CD300E: variants seen among roughly 807,000 people sequenced by gnomAD.
CD300E encodes CMRF35-like molecule 2.
Under a neutral mutation model 20.9 loss-of-function variants are expected in CD300E, and 14 were observed. The ratio of observed to expected loss-of-function variants is 0.67; its 90% CI spans 0.44 to 1.05. The LOEUF (loss-of-function observed/expected upper bound fraction) is 1.05. CD300E is among the 50% of genes least tolerant of loss of function. The pLI is 0.00. For synonymous variants in CD300E, 102 were observed against 103.7 expected, an observed-to-expected ratio of 0.98 and a Z score of 0.10; for missense variants, 237 against 253.9, an observed-to-expected ratio of 0.93 and a Z score of 0.45.
At chr17:74,619,621 C>G (rs960515562) in intron 1 of CD300E, among the ~76,000 whole-genome samples, 1 of 152,212 alleles carries the variant, frequency 6.6e-6, no homozygotes, top group African/African-American at 2.4e-5. Context: ...CACACACACA[C>G]ACATACACAC....
chr17:74,614,777 C>G (rs1002768624), intron 2 of CD300E, among the ~76,000 whole-genome samples: 1 of 152,164 alleles, frequency 6.6e-6, no homozygotes, highest in Non-Finnish European at 1.5e-5. Flanking sequence ...CCACCGCGCC[C>G]GGCCCATGTG....
chr17:74,622,154 C>T (rs1825579949), intron 1 of CD300E, among the ~76,000 whole-genome samples: 1 of 151,732 alleles, frequency 6.6e-6, no homozygotes, highest in Non-Finnish European at 1.5e-5. Context: ...TTTGTCATTT[C>T]CCCTCCCTGC....
chr17:74,616,691 C>T (rs1236131760), intron 2 of CD300E, among the ~76,000 whole-genome samples: 1 of 152,126 alleles, frequency 6.6e-6, no homozygotes, highest in Non-Finnish European at 1.5e-5. Context: ...GAAAGAGTAG[C>T]TTCCACTCAA....
chr17:74,613,532 A>G (rs2030830031), intron 3 of CD300E, among the ~76,000 whole-genome samples: 1 of 152,088 alleles, frequency 6.6e-6, no homozygotes, highest in East Asian at 1.9e-4. Context: ...GAGCTGGCCC[A>G]TCTCCCCACA....
At chr17:74,622,266 A>C (rs1176649058) in intron 1 of CD300E, among the ~76,000 whole-genome samples, 1 of 151,958 alleles carries the variant, frequency 6.6e-6, no homozygotes, top group Admixed American at 6.6e-5. Flanking sequence ...TAGGGGTGGA[A>C]AGAGAGATGG....
intron 1 of CD300E, chr17:74,619,355 T>G: frequency 4.1e-6 from 1 of 241,128 alleles, no homozygotes; most frequent in Admixed American, 5.1e-5. Context: ...GAGCTGAATG[T>G]GTCCTAGAAT....
chr17:74,621,737 AAGAGCTCTGTGGAG>A (rs1353581737), intron 1 of CD300E, among the ~76,000 whole-genome samples: 5 of 152,170 alleles, frequency 3.3e-5, no homozygotes, highest in African/African-American at 1.2e-4. Flanking sequence ...GGCCAATGGA[AAGAGCTCTGTGGAG>A]GACACAGATC....
intron 1 of CD300E, among the ~76,000 whole-genome samples, chr17:74,620,616 C>T (rs1568036050): frequency 6.6e-6 from 1 of 151,714 alleles, no homozygotes; most frequent in Non-Finnish European, 1.5e-5. Context: ...GCACTCCAGC[C>T]TGGCAACAAA....
At chr17:74,618,814 A>G (rs575890069) in intron 1 of CD300E, among the ~76,000 whole-genome samples, 1 of 147,102 alleles carries the variant, frequency 6.8e-6, no homozygotes, top group African/African-American at 2.5e-5. Flanking sequence ...TGTCACCCCC[A>G]CCCTGACCCC....
chr17:74,615,047 C>T (rs1041729814), intron 2 of CD300E, among the ~76,000 whole-genome samples: 2 of 152,216 alleles, frequency 1.3e-5, no homozygotes, highest in Non-Finnish European at 2.9e-5. Context: ...ATGAGCCCCA[C>T]CCCGTTGGAG....
intron 2 of CD300E, among the ~76,000 whole-genome samples, chr17:74,614,749 T>C (rs1443319295): frequency 2.0e-5 from 3 of 152,166 alleles, no homozygotes; most frequent in African/African-American, 4.8e-5. Flanking sequence ...CCCAAAGTGC[T>C]GGGATTACAG....
chr17:74,622,699 C>G (rs575008384), intron 1 of CD300E, among the ~76,000 whole-genome samples: 1 of 151,694 alleles, frequency 6.6e-6, no homozygotes, highest in Non-Finnish European at 1.5e-5. Context: ...TTACACCACA[C>G]CTTGTTCCGG....
rs200851226 is a variant in CD300E, at chr17:74,623,709, T to C, written c.-88A>G. Reference sequence around the variant, plus strand: ...GTAACGGAGCCTGGGTCATCCACTTTCTACTTGTCCAAGTTTCCTTTGTGT... The same window carrying C: ...GTAACGGAGCCTGGGTCATCCACTTCCTACTTGTCCAAGTTTCCTTTGTGT... On this transcript the variant is annotated 5_prime_UTR_variant, in exon 1 of 4. Coordinates refer to ENST00000392619, the MANE Select transcript of CD300E (RefSeq NM_181449.3). 3.0e-5 allele frequency: 42 copies of C among 1,383,768 alleles called. No homozygotes were observed. The Admixed American group carries it at 6.9e-4, about 23-fold the overall frequency. 85.7% of individuals were successfully genotyped at this position (1,383,768 alleles called of 1,614,324 possible).
chr17:74,622,009 G>T (rs547063985), intron 1 of CD300E, among the ~76,000 whole-genome samples: 43 of 151,874 alleles, frequency 2.8e-4, no homozygotes, highest in African/African-American at 1.0e-3. Flanking sequence ...TTGCTATGTT[G>T]CCCAGGCTGA....
chr17:74,610,332 A>C lies in CD300E; in HGVS notation c.*2321T>G, dbSNP rs1351794682. 6.6e-6 allele frequency: 1 copy of C among 152,216 alleles called. No individual in the cohort carries two copies. Among genetic ancestry groups the C allele is most frequent in the Non-Finnish European group, 1.5e-5 (1 of 68,140 alleles). The allele number at this position is 152,216 out of a possible 1,614,324, so 9.4% of individuals were successfully genotyped here. On this transcript the variant is annotated 3_prime_UTR_variant, in exon 4 of 4. Coordinates refer to ENST00000392619, the MANE Select transcript of CD300E (RefSeq NM_181449.3). ...TCCTTGGTTCTGAACTCTTCCCTCC[A>C]TGTTTTCACTTCTTGCTGGGTTCCA... is the stretch of plus-strand genomic sequence containing the variant.
At chr17:74,613,902 G>T (rs762090893) in intron 3 of CD300E, 23 bp downstream of exon 3, 12 of 1,572,760 alleles carry the variant, frequency 7.6e-6, no homozygotes, top group Non-Finnish European at 9.6e-6. Flanking sequence ...TCCCTCCATG[G>T]CCTCCAGGCC....
At chr17:74,618,784 C>A (rs969271178) in intron 1 of CD300E, among the ~76,000 whole-genome samples, 1 of 152,086 alleles carries the variant, frequency 6.6e-6, no homozygotes, top group South Asian at 2.1e-4. Flanking sequence ...CTCCTGGTCC[C>A]TTCCACACTC....
At position 74,610,130 on chromosome 17, in the gene CD300E, G is replaced by A. The variant is rs1460248489; in HGVS notation, c.*2523C>T. 1 of 152,330 alleles carries A rather than the reference G, an allele frequency of 6.6e-6. No homozygotes were observed. The highest frequency in any genetic ancestry group is 1.9e-4 in the East Asian group (1 of 5,182). 9.4% of individuals were successfully genotyped at this position (152,330 alleles called of 1,614,324 possible). A position where few individuals can be genotyped will look rare whatever the true frequency, so the allele number is the denominator to read the frequency against. On this transcript the variant is annotated 3_prime_UTR_variant, in exon 4 of 4. Transcript: ENST00000392619. ...TCATTAGTGACCTTGTGAATGATAA[G>A]TTCAATAGCCTCCTCTCAATCCCGG...
chr17:74,613,106 C>T (rs493852), intron 3 of CD300E, among the ~76,000 whole-genome samples: 55,114 of 152,102 alleles, frequency 0.36, 10,317 homozygotes, highest in South Asian at 0.45. Flanking sequence ...TCCCCACTCT[C>T]GCTTTTTTTA....
Sources: gnomAD v4.1 joint callset for allele counts (sites outside exome capture counted in the v4.1 genomes callset) on GRCh38, gnomAD v4.1.1 for gene constraint, MANE v1.5 for transcripts, NCBI Gene and HGNC (gene_info 2026-07-23, HGNC 2026-07-21) for gene names.